PSMA1: variants seen among roughly 807,000 people sequenced by gnomAD.
PSMA1 encodes the protein proteasome subunit alpha type-1.
Under a neutral mutation model 38.4 loss-of-function variants are expected in PSMA1, and 3 were observed. The ratio of observed to expected loss-of-function variants is 0.08; its 90% CI spans 0.04 to 0.20. The LOEUF (loss-of-function observed/expected upper bound fraction) is 0.20. PSMA1 is among the 10% of genes least tolerant of loss of function. The probability of loss-of-function intolerance (pLI) is 1.00; values close to 1 mark genes in which losing one functional copy is unlikely to be tolerated. For synonymous variants in PSMA1, 101 were observed against 107.1 expected (o/e 0.94, Z 0.35); for missense variants, 227 against 325.3 (o/e 0.70, Z 2.32).
At chr11:14,620,055 C>CGT (rs965248121) in intron 1 of PSMA1, among the ~76,000 whole-genome samples, 2 of 151,646 alleles carry the variant, frequency 1.3e-5, no homozygotes, top group African/African-American at 4.9e-5. Context: ...TATAAACACT[C>CGT]GTGTGTGTGT....
intron 1 of PSMA1, among the ~76,000 whole-genome samples, chr11:14,618,651 GCATTA>G (rs1852804739): frequency 6.6e-6 from 1 of 152,148 alleles, no homozygotes; most frequent in Non-Finnish European, 1.5e-5. Context: ...AACTCCTACT[GCATTA>G]CATTATAGAC....
intron 2 of PSMA1, among the ~76,000 whole-genome samples, chr11:14,607,287 C>G (rs1212487321): frequency 6.6e-6 from 1 of 152,150 alleles, no homozygotes; most frequent in Non-Finnish European, 1.5e-5. Context: ...ACCATTTAGC[C>G]TATATTCCAT....
chr11:14,609,084 C>T (rs1012373949), intron 2 of PSMA1, among the ~76,000 whole-genome samples: 1 of 152,132 alleles, frequency 6.6e-6, no homozygotes, highest in Admixed American at 6.6e-5. Flanking sequence ...TTTCATGATC[C>T]CCACTTAATA....
At chr11:14,580,643 A>T (rs1250401363) in intron 2 of PSMA1, among the ~76,000 whole-genome samples, 1 of 152,222 alleles carries the variant, frequency 6.6e-6, no homozygotes, top group Admixed American at 6.5e-5. Context: ...ATTTGCTGAA[A>T]AATGAAAGGA....
chr11:14,573,778 C>G (rs571999937), intron 2 of PSMA1, among the ~76,000 whole-genome samples: 11 of 152,130 alleles, frequency 7.2e-5, no homozygotes, highest in Non-Finnish European at 1.3e-4. Flanking sequence ...CGTGTCAGCC[C>G]AAAATCTCCT....
At chr11:14,565,405 T>C (rs1191557726) in intron 2 of PSMA1, among the ~76,000 whole-genome samples, 1 of 152,204 alleles carries the variant, frequency 6.6e-6, no homozygotes, top group Non-Finnish European at 1.5e-5. Context: ...TGCCCTTTGT[T>C]ATATTTCCTT....
At chr11:14,580,845 GTTGT>G (rs961588272) in intron 2 of PSMA1, among the ~76,000 whole-genome samples, 2 of 152,302 alleles carry the variant, frequency 1.3e-5, no homozygotes, top group African/African-American at 2.4e-5. Context: ...CATAATGGGG[GTTGT>G]TTAAGAAGAT....
rs548070354 is a variant in PSMA1, at chr11:14,608,782, T to G, written c.21+2184A>C. Among the ~76,000 whole-genome samples the G allele has an allele frequency of 1.6e-4, 24 of 150,202 alleles. No homozygotes were observed. The South Asian group carries it at 4.8e-3, about 30-fold the overall frequency. ...ATAAAATAATAAGATGCTTCACATC[T>G]GAATATAGACTTCTTCCCATTATCA... On this transcript the variant is annotated intron_variant, in intron 2 of 10. Coordinates refer to the PSMA1 transcript ENST00000418988.
At chr11:14,613,796 C>A (rs1297521203) in intron 1 of PSMA1, among the ~76,000 whole-genome samples, 1 of 152,160 alleles carries the variant, frequency 6.6e-6, no homozygotes, top group Non-Finnish European at 1.5e-5. Context: ...GAGAAACAGG[C>A]AGTTGTCTAA....
At chr11:14,621,204 C>A (rs1852839751) in intron 1 of PSMA1, among the ~76,000 whole-genome samples, 1 of 151,950 alleles carries the variant, frequency 6.6e-6, no homozygotes, top group East Asian at 1.9e-4. Context: ...ATTTCAAGAT[C>A]ATGTTTTGCT....
chr11:14,526,637 T>C (rs1373805899), intron 2 of PSMA1, among the ~76,000 whole-genome samples: 1 of 152,188 alleles, frequency 6.6e-6, no homozygotes, highest in African/African-American at 2.4e-5. Flanking sequence ...GTACTCACTC[T>C]TTGTTGAGTC....
chr11:14,606,292 T>A (rs1182195772), intron 2 of PSMA1, among the ~76,000 whole-genome samples: 1 of 152,154 alleles, frequency 6.6e-6, no homozygotes, highest in African/African-American at 2.4e-5. Flanking sequence ...TAGTATAGTC[T>A]GAAGTTGGGA....
rs1029167532 is a variant in PSMA1, at chr11:14,510,916, C to T, written c.580G>A (p.Ala194Thr). ...LNELVKHGLR[A>T]LRETLPAEQD... ...TCTGCAGGAAGCGTCTCTCTTAAGG[C>T]ACGCAGACCATGTTTAACTAGTTCA... The change falls in exon 8 of 10, where the codon GCC becomes ACC. Residue 194 changes from alanine to threonine, a missense_variant. Transcript: ENST00000396394. 6.2e-7 allele frequency: 1 copy of T among 1,607,912 alleles called. No individual in the cohort carries two copies. The highest frequency in any genetic ancestry group is 2.2e-5 in the East Asian group (1 of 44,608).
Position 14,520,324 on chromosome 11 carries a change from G to A in PSMA1, c.-25C>T, listed in dbSNP as rs1299167751. The A allele has an allele frequency of 1.2e-6, 2 of 1,614,168 alleles. No homozygotes were observed. Among genetic ancestry groups the A allele is most frequent in the Admixed American group, 1.7e-5 (1 of 60,026 alleles). ...TGGTGGCGGCGCGGGCCTGGTTGCGGCCTCCAGCAAAACTGAGAATCAAGG... is the reference window on the plus strand; with the variant it reads ...TGGTGGCGGCGCGGGCCTGGTTGCGACCTCCAGCAAAACTGAGAATCAAGG... On this transcript the variant is annotated 5_prime_UTR_variant, in exon 1 of 10. Transcript: ENST00000396394.
chr11:14,536,601 T>TA lies in PSMA1; in HGVS notation c.22-17561dup, dbSNP rs200221994. 1.5e-3 allele frequency among the ~76,000 whole-genome samples: 233 copies of TA among 151,258 alleles called. 1 individual carries two copies. The highest frequency in any genetic ancestry group is 2.8e-3 in the Non-Finnish European group (193 of 67,884). On this transcript the variant is annotated intron_variant, in intron 2 of 10. Transcript: ENST00000418988. ...CCTCTAATAGGACAAAGGCAGCATT[T>TA]AAAAAAATTTTTTTTTATTTTTATT... is the stretch of plus-strand genomic sequence containing the variant.
chr11:14,573,464 C>G (rs192240457), intron 2 of PSMA1, among the ~76,000 whole-genome samples: 5 of 152,134 alleles, frequency 3.3e-5, no homozygotes, highest in East Asian at 3.8e-4. Flanking sequence ...ATTCAACAGG[C>G]CTTCATGCTA....
At chr11:14,520,732 T>C (rs565309861), upstream of PSMA1, 115 of 206,400 alleles carry the variant, frequency 5.6e-4, no homozygotes, top group African/African-American at 2.2e-3. Flanking sequence ...TGGGGTGTTA[T>C]GTGACTGAAA....
upstream of PSMA1, among the ~76,000 whole-genome samples, chr11:14,525,331 T>C (rs1051848731): frequency 6.6e-6 from 1 of 152,098 alleles, no homozygotes; most frequent in African/African-American, 2.4e-5. Context: ...CCTCTCCTTG[T>C]ATCTCCCTAC....
At chr11:14,598,781 A>T (rs1043278017) in intron 2 of PSMA1, among the ~76,000 whole-genome samples, 1 of 151,206 alleles carries the variant, frequency 6.6e-6, no homozygotes, top group Admixed American at 6.6e-5. Context: ...TCATCCTGTC[A>T]TTATGATGTT....
Sources: allele counts gnomAD v4.1 joint callset (sites outside exome capture counted in the v4.1 genomes callset), GRCh38; gene constraint gnomAD v4.1.1; transcripts MANE v1.5; gene names NCBI Gene and HGNC (gene_info 2026-07-23, HGNC 2026-07-21).